The following ZFHX3 variants were observed in gnomAD, a reference collection of about 807,000 sequenced individuals.
ZFHX3 encodes zinc finger homeobox 3.
A neutral mutation model predicts 279.1 loss-of-function variants in ZFHX3; 42 were observed. That is an observed-to-expected ratio of 0.15 (90% CI 0.12 to 0.19). The LOEUF (loss-of-function observed/expected upper bound fraction) is 0.19, where lower values mean the gene tolerates loss of function less well. ZFHX3 is among the 10% of genes least tolerant of loss of function. ZFHX3 has a pLI of 1.00. For missense variants in ZFHX3, 4,981 were observed against 4,754.0 expected, an observed-to-expected ratio of 1.05 and a Z score of -1.40; for synonymous variants, 2,293 against 1,957.8, an observed-to-expected ratio of 1.17 and a Z score of -4.52.
intron 2 of ZFHX3, among the ~76,000 whole-genome samples, chr16:73,608,326 G>A (rs1036871679): frequency 2.6e-5 from 4 of 152,194 alleles, no homozygotes; most frequent in African/African-American, 9.6e-5. Flanking sequence ...TCCCACCATG[G>A]CAAGACAGTG....
intron 1 of ZFHX3, among the ~76,000 whole-genome samples, chr16:73,813,299 C>T (rs761671424): frequency 5.1e-4 from 78 of 151,602 alleles, no homozygotes; most frequent in African/African-American, 1.4e-3. Context: ...CACTAATAAG[C>T]GAGCCAGGAT....
At position 72,788,298 on chromosome 16, in the gene ZFHX3, G is replaced by A. The variant is rs1171735580; in HGVS notation, c.9978C>T (p.Ala3326=). The A allele has an allele frequency of 4.3e-6, 7 of 1,614,068 alleles. No homozygotes were observed. In the East Asian group the frequency reaches 1.3e-4, roughly 31 times the overall value. ...TAGGCTGCAGGTACCCGCTCTGCAG[G>A]GCGCCAGGGATCTGGGGAGCATAAT... ...SPYYAPQIPG[A]LQSGYLQPMY... is the part of the protein sequence containing the mutation. The change falls in exon 10 of 10, where the codon GCC becomes GCT. Residue 3326 remains alanine (A), a synonymous_variant. Transcript: ENST00000268489.
chr16:72,852,784 C>A (rs975969370), intron 4 of ZFHX3, among the ~76,000 whole-genome samples: 1 of 152,170 alleles, frequency 6.6e-6, no homozygotes, highest in East Asian at 1.9e-4. Context: ...AGACAGAACG[C>A]TCCCCATGGT....
At chr16:73,053,786 A>G (rs1434060599) in intron 1 of ZFHX3, among the ~76,000 whole-genome samples, 1 of 152,184 alleles carries the variant, frequency 6.6e-6, no homozygotes, top group Non-Finnish European at 1.5e-5. Flanking sequence ...GCTGAAAGGC[A>G]AGGCGGGGGT....
chr16:73,508,414 T>C (rs2019365054), intron 2 of ZFHX3, among the ~76,000 whole-genome samples: 2 of 152,188 alleles, frequency 1.3e-5, no homozygotes, highest in African/African-American at 4.8e-5. Flanking sequence ...GCAATAAGCA[T>C]GTTCCAGAAA....
intron 4 of ZFHX3, among the ~76,000 whole-genome samples, chr16:72,835,229 A>G (rs1475667886): frequency 1.3e-5 from 2 of 152,232 alleles, no homozygotes; most frequent in South Asian, 2.1e-4. Flanking sequence ...ATTAGCTGTC[A>G]TGAACCACAA....
At chr16:72,806,224 A>G (rs777662318) in intron 7 of ZFHX3, among the ~76,000 whole-genome samples, 10 of 152,056 alleles carry the variant, frequency 6.6e-5, no homozygotes, top group Non-Finnish European at 1.3e-4. Flanking sequence ...CAAGCTCAAA[A>G]GAAAATACTG....
chr16:73,154,180 G>A (rs11644027), intron 5 of ZFHX3, among the ~76,000 whole-genome samples: 1,978 of 152,272 alleles, frequency 0.013, 18 homozygotes, highest in Non-Finnish European at 0.021. Context: ...CAGAACTGCA[G>A]CCCCTGGGAT....
At position 72,783,579 on chromosome 16, in the gene ZFHX3, G is replaced by T. The variant is rs898375755; in HGVS notation, c.*3585C>A. The T allele has an allele frequency of 2.6e-5, 4 of 151,940 alleles. No homozygotes were observed. Among genetic ancestry groups the T allele is most frequent in the African/African-American group, 9.7e-5 (4 of 41,230 alleles). The allele number at this position is 151,940 out of a possible 1,614,324, so 9.4% of individuals were successfully genotyped here. A position where few individuals can be genotyped will look rare whatever the true frequency, so the allele number is the denominator to read the frequency against. ...TTGGCCACATTCATCTCTTTAAATA[G>T]CTTGTAATTAAAAAAAAAATTCCTA... On this transcript the variant is annotated 3_prime_UTR_variant, in exon 10 of 10. Coordinates refer to ENST00000268489, the MANE Select transcript of ZFHX3 (RefSeq NM_006885.4).
chr16:73,782,362 C>G (rs1044933452), intron 1 of ZFHX3, among the ~76,000 whole-genome samples: 7 of 152,128 alleles, frequency 4.6e-5, no homozygotes, highest in Non-Finnish European at 1.0e-4. Context: ...GACTTTCTAC[C>G]CCAGAAATAT....
chr16:73,760,015 T>TTTC (rs974344347), intron 1 of ZFHX3, among the ~76,000 whole-genome samples: 11 of 150,822 alleles, frequency 7.3e-5, no homozygotes, highest in Admixed American at 3.3e-4. Flanking sequence ...AGCTGTTTTT[T>TTTC]TTTAAAAAAA....
At chr16:72,903,731 T>C (rs1306014644) in intron 3 of ZFHX3, among the ~76,000 whole-genome samples, 1 of 152,176 alleles carries the variant, frequency 6.6e-6, no homozygotes, top group Non-Finnish European at 1.5e-5. Context: ...TTTCAGAAGT[T>C]AACAGTCTCA....
chr16:73,125,804 GTA>G (rs1385715666), intron 7 of ZFHX3, among the ~76,000 whole-genome samples: 2 of 151,276 alleles, frequency 1.3e-5, no homozygotes, highest in South Asian at 2.1e-4. Context: ...GTGTATATAT[GTA>G]TATATATATG....
At chr16:73,478,446 TAATA>T (rs1476346356) in intron 2 of ZFHX3, among the ~76,000 whole-genome samples, 1 of 151,990 alleles carries the variant, frequency 6.6e-6, no homozygotes, top group Non-Finnish European at 1.5e-5. Flanking sequence ...TTGTTAAAAA[TAATA>T]AAGGTATAAT....
chr16:73,428,251 G>A lies in ZFHX3; in HGVS notation c.-1291+27752C>T, dbSNP rs375077356. Among the ~76,000 whole-genome samples, 16 of 152,132 alleles carry A rather than the reference G, an allele frequency of 1.1e-4. No individual in the cohort carries two copies. In the South Asian group the frequency reaches 2.7e-3, roughly 26 times the overall value. On this transcript the variant is annotated intron_variant, in intron 3 of 17. Coordinates refer to the ZFHX3 transcript ENST00000641206. ...CCCCAGGGTCGGGGGCACACATGCC[G>A]GCCTTGAACTCTCCGTCTGTCTCTC...
intron 3 of ZFHX3, among the ~76,000 whole-genome samples, chr16:73,393,088 G>C (rs919966130): frequency 1.3e-5 from 2 of 152,170 alleles, no homozygotes; most frequent in African/African-American, 4.8e-5. Flanking sequence ...GCCCACCTTG[G>C]CTTCCCAAAG....
chr16:73,792,717 G>A (rs939913924), intron 1 of ZFHX3, among the ~76,000 whole-genome samples: 8 of 152,198 alleles, frequency 5.3e-5, no homozygotes, highest in African/African-American at 1.9e-4. Flanking sequence ...CAAGTGGTGG[G>A]TGAAGGTGAA....
chr16:73,558,828 T>G (rs1056759834), intron 2 of ZFHX3, among the ~76,000 whole-genome samples: 11 of 147,910 alleles, frequency 7.4e-5, no homozygotes, highest in African/African-American at 2.7e-4. Flanking sequence ...TTCTCCTGCC[T>G]CAGCCTCCTG....
intron 1 of ZFHX3, among the ~76,000 whole-genome samples, chr16:73,790,321 T>C (rs1959786010): frequency 1.3e-5 from 2 of 152,024 alleles, no homozygotes; most frequent in Non-Finnish European, 2.9e-5. Flanking sequence ...TGGCACTAGA[T>C]ACAGTTGTCT....
Sources: gnomAD v4.1 joint callset for allele counts (sites outside exome capture counted in the v4.1 genomes callset) on GRCh38, gnomAD v4.1.1 for gene constraint, MANE v1.5 for transcripts, NCBI Gene and HGNC (gene_info 2026-07-23, HGNC 2026-07-21) for gene names.